The following ZZEF1 variants were observed in gnomAD, a reference collection of about 807,000 sequenced individuals.
ZZEF1 encodes zinc finger ZZ-type and EF-hand domain-containing protein 1.
ZZEF1 carries 157 observed loss-of-function variants against 342.8 expected under a neutral mutation model. The observed-to-expected ratio is 0.46, with a 90% CI of 0.40 to 0.52. ZZEF1 has a LOEUF of 0.52. ZZEF1 is among the 20% of genes least tolerant of loss of function. ZZEF1 has a pLI of 0.00. For synonymous variants in ZZEF1, 1,505 were observed against 1,429.1 expected (o/e 1.05, Z -1.20); for missense variants, 3,480 against 3,725.6 (o/e 0.93, Z 1.72).
At position 4,075,402 on chromosome 17, in the gene ZZEF1, G is replaced by A. The variant is rs759989200; in HGVS notation, c.3262C>T (p.Gln1088Ter). ...KLDVETWQQE[Q>*]PVVLHTWTKE... ...GTCCACGTATGTAACACCACAGGCT[G>A]TTCCTGTTGCCAGGTCTCAACATCC... Residue 1088 changes from glutamine (Q) to a stop codon, truncating the protein, a stop_gained, in exon 22 of 55, where the codon CAG (glutamine) becomes TAG (stop). Transcript: ENST00000381638. LOFTEE classifies it high-confidence loss of function. The A allele has an allele frequency of 6.2e-7, 1 of 1,614,058 alleles. No homozygotes were observed. Among genetic ancestry groups the A allele is most frequent in the Non-Finnish European group, 8.5e-7 (1 of 1,179,972 alleles).
intron 13 of ZZEF1, among the ~76,000 whole-genome samples, 169 bp from the exon 14 acceptor site, chr17:4,087,703 T>C (rs1689347698): frequency 6.6e-6 from 1 of 152,136 alleles, no homozygotes; most frequent in South Asian, 2.1e-4. Flanking sequence ...CCAACAACTA[T>C]TTTTGGTTTG....
chr17:4,059,276 A>G lies in ZZEF1; in HGVS notation c.4898T>C (p.Leu1633Pro). 1.9e-6 allele frequency: 3 copies of G among 1,556,262 alleles called. No homozygotes were observed. Among genetic ancestry groups the G allele is most frequent in the African/African-American group, 1.5e-5 (1 of 68,536 alleles). Residue 1633 changes from leucine to proline, a missense_variant, in exon 31 of 55, where the codon CTG becomes CCG. Physicochemically the swap from Leu to Pro is moderately conservative, Grantham distance 98. Coordinates refer to ENST00000381638, the MANE Select transcript of ZZEF1 (RefSeq NM_015113.4). ...QKDFTNYFGH[L>P]EGCGADLHKE... is the part of the protein sequence containing the mutation. Reference sequence around the variant, plus strand: ...GTGTAGATCAGCACCACAGCCTTCCAGGTGTCCAAAATAACTAGAAACAGA... The same window carrying G: ...GTGTAGATCAGCACCACAGCCTTCCGGGTGTCCAAAATAACTAGAAACAGA...
At position 4,016,228 on chromosome 17, in the gene ZZEF1, C is replaced by CAGAGGGGCTGAGCAT; in HGVS notation, c.8145+80_8145+94dup. 1 of 1,463,282 alleles carries CAGAGGGGCTGAGCAT rather than the reference C, an allele frequency of 6.8e-7. No individual in the cohort carries two copies. The allele number at this position is 1,463,282 out of a possible 1,614,324, so 90.6% of individuals were successfully genotyped here. A position where few individuals can be genotyped will look rare whatever the true frequency, so the allele number is the denominator to read the frequency against. On this transcript the variant is annotated intron_variant, in intron 49 of 54. Coordinates refer to ENST00000381638, the MANE Select transcript of ZZEF1 (RefSeq NM_015113.4). The surrounding 1 kb of genome is among the most constrained non-coding windows in gnomAD (Gnocchi z 4.4). The stretch of plus-strand genomic sequence containing the variant: ...TCTGCTGTCCAGCGGGAGAGAGCCA[C>CAGAGGGGCTGAGCAT]AGAGGGGCTGAGCATGGAGGGGCTG...
At chr17:4,142,493 T>TG in intron 1 of ZZEF1, 49 bp downstream of exon 1, 1 of 1,570,296 alleles carries the variant, frequency 6.4e-7, no homozygotes, top group Non-Finnish European at 8.6e-7. Flanking sequence ...TTCAGTCCCC[T>TG]GGGGGCGACC....
intron 24 of ZZEF1, among the ~76,000 whole-genome samples, chr17:4,073,084 T>C (rs2145284214): frequency 6.6e-6 from 1 of 152,356 alleles, no homozygotes; most frequent in African/African-American, 2.4e-5. Context: ...CATTTAATTA[T>C]GGAAAAACAT....
intron 11 of ZZEF1, among the ~76,000 whole-genome samples, chr17:4,094,620 T>A (rs1361616357): frequency 6.6e-6 from 1 of 152,132 alleles, no homozygotes; most frequent in Non-Finnish European, 1.5e-5. Context: ...AAATCTGAGC[T>A]CATCATCTTC....
intron 36 of ZZEF1, among the ~76,000 whole-genome samples, chr17:4,050,331 A>C (rs779317148): frequency 7.9e-5 from 12 of 152,146 alleles, no homozygotes; most frequent in Non-Finnish European, 1.6e-4. Context: ...TTAACTTTCA[A>C]GTTGCTTTCT....
chr17:4,047,558 G>T (rs1052618446), intron 37 of ZZEF1, among the ~76,000 whole-genome samples: 1 of 150,196 alleles, frequency 6.7e-6, no homozygotes, highest in Non-Finnish European at 1.5e-5. Context: ...TGGGAGGATC[G>T]TTGGAGCCCA....
Position 4,114,447 on chromosome 17 carries a change from T to A in ZZEF1, c.718A>T (p.Ser240Cys), listed in dbSNP as rs2145499761. Reference protein sequence around the residue: ...EKESPGDLTRSPEMDKLKSVA... With the variant: ...EKESPGDLTRCPEMDKLKSVA... ...GACTTGAGTTTATCCATCTCTGGAC[T>A]TCTAGTTAGATCTCCAGGGCTTTCT... Residue 240 changes from serine (S) to cysteine (C), a missense_variant, in exon 4 of 55, where the codon AGT (serine) becomes TGT (cysteine). Transcript: ENST00000381638. The A allele has an allele frequency of 3.8e-6, 6 of 1,584,114 alleles. No individual in the cohort carries two copies. The African/African-American group carries it at 8.1e-5, about 21-fold the overall frequency.
intron 15 of ZZEF1, among the ~76,000 whole-genome samples, 160 bp downstream of exon 15, chr17:4,086,323 CTTT>C (rs2145358307): frequency 7.3e-6 from 1 of 136,536 alleles, no homozygotes; most frequent in African/African-American, 3.2e-5. Context: ...GCGGCAATCC[CTTT>C]CTGGGGGATT....
intron 30 of ZZEF1, among the ~76,000 whole-genome samples, chr17:4,062,274 T>C (rs764421943): frequency 6.6e-6 from 1 of 151,894 alleles, no homozygotes; most frequent in Non-Finnish European, 1.5e-5. Flanking sequence ...CTATCTGGTA[T>C]TTTTTCATTT....
Position 4,070,686 on chromosome 17 carries a change from T to G in ZZEF1, c.4073A>C (p.Tyr1358Ser). ...AATATTCCCTGTAATAAAGTTACCA[T>G]ATTTTTGCAGCTTCTCATATAAATC... ...TPDLYEKLQK[Y>S]VNSGGKIALS... The change falls in exon 26 of 55, where the codon TAT becomes TCT. Residue 1358 changes from tyrosine to serine, a missense_variant and splice_region_variant. Around this residue, in one of 5 missense-constraint regions of ZZEF1, gnomAD observed 1,528 missense variants for 1,624.1 expected, o/e 0.94. Transcript: ENST00000381638. 1.2e-6 allele frequency: 2 copies of G among 1,613,336 alleles called. No individual in the cohort carries two copies. Among genetic ancestry groups the G allele is most frequent in the Non-Finnish European group, 1.7e-6 (2 of 1,179,612 alleles).
intron 16 of ZZEF1, among the ~76,000 whole-genome samples, chr17:4,083,361 A>G (rs889704775): frequency 2.0e-5 from 3 of 152,210 alleles, no homozygotes; most frequent in Non-Finnish European, 4.4e-5. Flanking sequence ...ATAGAGACCC[A>G]CCCACAGTCC....
chr17:4,087,074 G>A (rs2057845853), intron 14 of ZZEF1, among the ~76,000 whole-genome samples: 1 of 152,100 alleles, frequency 6.6e-6, no homozygotes, highest in Non-Finnish European at 1.5e-5. Flanking sequence ...TAGAGACGGG[G>A]TTTCACCATA....
chr17:4,024,186 G>GTTTTTTTTTTTTTTTTTTTTTTT (rs754985234), intron 43 of ZZEF1, among the ~76,000 whole-genome samples: 1 of 94,408 alleles, frequency 1.1e-5, no homozygotes, highest in African/African-American at 4.0e-5. Flanking sequence ...TATTGCCCAG[G>GTTTTTTTTTTTTTTTTTTTTTTT]TTTTTTTTTT....
chr17:4,127,328 CTT>C (rs1330581051), intron 1 of ZZEF1, among the ~76,000 whole-genome samples: 2 of 152,042 alleles, frequency 1.3e-5, no homozygotes, highest in Admixed American at 1.3e-4. Context: ...AGAAACTGGA[CTT>C]TGTGTTTTGC....
intron 27 of ZZEF1, 117 bp from the exon 28 acceptor site, chr17:4,066,657 T>C (rs191717209): frequency 4.7e-6 from 4 of 856,692 alleles, no homozygotes; most frequent in Non-Finnish European, 7.7e-6. Flanking sequence ...CACAGTTGTA[T>C]CATTTAGAGG....
chr17:4,101,522 G>A (rs1388579858), intron 9 of ZZEF1, among the ~76,000 whole-genome samples: 1 of 152,192 alleles, frequency 6.6e-6, no homozygotes, highest in Non-Finnish European at 1.5e-5. Flanking sequence ...CTCCAGCAAA[G>A]TTGAAAAGCA....
chr17:4,092,299 CTTTTTTT>C (rs367934690), intron 11 of ZZEF1, among the ~76,000 whole-genome samples: 1 of 118,396 alleles, frequency 8.4e-6, no homozygotes, highest in African/African-American at 3.2e-5. Context: ...AAACATGTCC[CTTTTTTT>C]TTTTTTTTTT....
Sources: allele counts gnomAD v4.1 joint callset (sites outside exome capture counted in the v4.1 genomes callset), GRCh38; gene constraint gnomAD v4.1.1; regional missense constraint gnomAD v4.1.1; non-coding constraint Gnocchi (gnomAD v3.1); transcripts MANE v1.5; gene names NCBI Gene and HGNC (gene_info 2026-07-23, HGNC 2026-07-21).